GLB1: variants seen among roughly 807,000 people sequenced by gnomAD.
GLB1 encodes the protein beta-galactosidase.
A neutral mutation model predicts 74.0 loss-of-function variants in GLB1; 56 were observed. The ratio of observed to expected loss-of-function variants is 0.76; its 90% confidence interval spans 0.61 to 0.94. GLB1 has a LOEUF of 0.94. GLB1 is among the 40% of genes least tolerant of loss of function. The pLI is 0.00. For missense variants in GLB1, 787 were observed against 845.5 expected (o/e 0.93, Z 0.86); for synonymous variants, 323 against 323.6 (o/e 1.00, Z 0.02).
chr3:33,022,956 C>A lies in GLB1; in HGVS notation c.1143+1295G>T, dbSNP rs150602928. 3.8e-3 allele frequency among the ~76,000 whole-genome samples: 581 copies of A among 152,290 alleles called. 7 individuals are homozygous for A. Among genetic ancestry groups the A allele is most frequent in the African/African-American group, 0.013 (543 of 41,562 alleles). ...TTACAATTTCATCAAGCCAGCTACT[C>A]ATATGGGTGTTTTCCCACCTGAACA... On this transcript the variant is annotated intron_variant, in intron 11 of 15. Transcript: ENST00000307363.
intron 10 of GLB1, among the ~76,000 whole-genome samples, chr3:33,024,924 C>T (rs1575421697): frequency 1.3e-5 from 2 of 150,944 alleles, no homozygotes; most frequent in African/African-American, 2.4e-5. Context: ...CAGATAAGTC[C>T]GGGTGGAGAA....
intron 2 of GLB1, among the ~76,000 whole-genome samples, chr3:33,069,432 A>T (rs1699813417): frequency 6.6e-6 from 1 of 152,210 alleles, no homozygotes; most frequent in African/African-American, 2.4e-5. Flanking sequence ...ATTTGGATAT[A>T]AGGCAAAAGG....
At chr3:33,015,024 C>T (rs1575411409) in intron 14 of GLB1, among the ~76,000 whole-genome samples, 1 of 152,062 alleles carries the variant, frequency 6.6e-6, no homozygotes, top group African/African-American at 2.4e-5. Context: ...AGTGTGGGGG[C>T]ATGCACGTAT....
intron 9 of GLB1, among the ~76,000 whole-genome samples, chr3:33,047,637 G>T (rs1243241723): frequency 1.3e-5 from 2 of 152,252 alleles, no homozygotes; most frequent in African/African-American, 4.8e-5. Flanking sequence ...AAACATGATA[G>T]TTTACCTAGG....
At chr3:33,043,656 G>C (rs1353353170) in intron 10 of GLB1, among the ~76,000 whole-genome samples, 1 of 128,626 alleles carries the variant, frequency 7.8e-6, no homozygotes, top group Non-Finnish European at 1.7e-5. Context: ...AAATATATCA[G>C]TTAAAAGACA....
At chr3:33,029,611 T>C (rs1031049990) in intron 10 of GLB1, among the ~76,000 whole-genome samples, 1 of 152,182 alleles carries the variant, frequency 6.6e-6, no homozygotes, top group African/African-American at 2.4e-5. Flanking sequence ...CATGGAATAC[T>C]ATGCAGCCAT....
At position 33,048,298 on chromosome 3, in the gene GLB1, C is replaced by T. The variant is rs1698825819; in HGVS notation, c.956-2066G>A. ...TTCTAGTTCTACTGGCAGAATCTTA[C>T]TTTGGGTGTTTTTAGACCACCAAAG... On this transcript the variant is annotated intron_variant, in intron 9 of 15. Transcript: ENST00000307363. Among the ~76,000 whole-genome samples, 4 of 152,334 alleles carry T rather than the reference C, an allele frequency of 2.6e-5. No homozygotes were observed. The South Asian group carries it at 8.3e-4, about 32-fold the overall frequency.
intron 12 of GLB1, among the ~76,000 whole-genome samples, chr3:33,019,315 G>A (rs1332935635): frequency 6.6e-6 from 1 of 152,154 alleles, no homozygotes; most frequent in African/African-American, 2.4e-5. Context: ...AGCAGTAACG[G>A]AATTATTCAC....
At chr3:32,993,251 A>C (rs1696255917), downstream of GLB1, among the ~76,000 whole-genome samples, 1 of 152,232 alleles carries the variant, frequency 6.6e-6, no homozygotes, top group African/African-American at 2.4e-5. Flanking sequence ...TTTGCTGAGA[A>C]ACAAAGATAA....
intron 9 of GLB1, among the ~76,000 whole-genome samples, chr3:33,047,190 G>A (rs370163259): frequency 6.6e-6 from 1 of 152,144 alleles, no homozygotes; most frequent in African/African-American, 2.4e-5. Context: ...CTACAACAAA[G>A]ACCAATGGAT....
chr3:33,064,029 G>A (rs1699559641), intron 5 of GLB1, among the ~76,000 whole-genome samples: 1 of 152,122 alleles, frequency 6.6e-6, no homozygotes, highest in African/African-American at 2.4e-5. Context: ...GCTGCCCATA[G>A]TACTGTTCAT....
chr3:33,005,680 G>A (rs989276872), intron 15 of GLB1, among the ~76,000 whole-genome samples: 3 of 152,084 alleles, frequency 2.0e-5, no homozygotes, highest in Non-Finnish European at 2.9e-5. Flanking sequence ...TTTTTTTGTA[G>A]AGATGAGGTC....
chr3:32,990,922 A>C, the GLB1 span, among the ~76,000 whole-genome samples: 1 of 152,100 alleles, frequency 6.6e-6, no homozygotes. Flanking sequence ...TGCAGTGAGC[A>C]GAGATCACGC....
chr3:32,978,926 A>ATTTTTT, the GLB1 span, among the ~76,000 whole-genome samples: 1 of 120,660 alleles, frequency 8.3e-6, no homozygotes, highest in African/African-American at 3.1e-5. Context: ...CACCCGGCTA[A>ATTTTTT]TTTTTTTTTT....
rs147437116 is a variant in GLB1, at chr3:32,996,669, G to C, written c.*376C>G. On this transcript the variant is annotated 3_prime_UTR_variant, in exon 16 of 16. Transcript: ENST00000307363. ...GGTTTATTCAGCCCACTCAAGTCTAGTTATGATTTAAGTCAGACCATATAA... is the reference window on the plus strand; with the variant it reads ...GGTTTATTCAGCCCACTCAAGTCTACTTATGATTTAAGTCAGACCATATAA... The C allele has an allele frequency of 4.2e-3, 1,268 of 304,968 alleles. 6 individuals are homozygous for C. Among genetic ancestry groups the C allele is most frequent in the Non-Finnish European group, 4.0e-3 (637 of 157,810 alleles). 18.9% of individuals were successfully genotyped at this position (304,968 alleles called of 1,614,324 possible).
At chr3:33,094,074 C>A (rs761024470) in intron 1 of GLB1, 5 of 1,614,246 alleles carry the variant, frequency 3.1e-6, no homozygotes, top group East Asian at 2.2e-5. Flanking sequence ...AAGCAGCCAA[C>A]GCCAGGCCCT....
At chr3:33,027,023 T>C (rs976592790) in intron 10 of GLB1, among the ~76,000 whole-genome samples, 1 of 152,254 alleles carries the variant, frequency 6.6e-6, no homozygotes, top group African/African-American at 2.4e-5. Flanking sequence ...GGCTGAAACA[T>C]GCCCCTTGCT....
intron 9 of GLB1, among the ~76,000 whole-genome samples, chr3:33,049,327 G>A (rs906026821): frequency 4.8e-5 from 7 of 146,294 alleles, no homozygotes; most frequent in Admixed American, 6.8e-5. Flanking sequence ...TTTAAGTTCC[G>A]GGATATATGT....
intron 1 of GLB1, among the ~76,000 whole-genome samples, chr3:33,087,595 A>G (rs796972012): frequency 0.15 from 21,314 of 143,160 alleles, 1,988 homozygotes; most frequent in East Asian, 0.31. Context: ...ACACACACAC[A>G]CACACACACA....
Sources: allele counts gnomAD v4.1 joint callset (sites outside exome capture counted in the v4.1 genomes callset), GRCh38; gene constraint gnomAD v4.1.1; transcripts MANE v1.5; gene names NCBI Gene and HGNC (gene_info 2026-07-23, HGNC 2026-07-21).